PYY: variants seen among roughly 807,000 people sequenced by gnomAD.
PYY encodes peptide tyrosine tyrosine.
In PYY, 12 loss-of-function variants were observed where a neutral mutation model predicts 10.3. The observed-to-expected ratio is 1.17, with a 90% CI of 0.75 to 1.89. The LOEUF is 1.89. Ranked by LOEUF, PYY falls within the 40% of genes most tolerant of loss-of-function variation. The probability of loss-of-function intolerance (pLI) is 0.00; values close to 1 mark genes in which losing one functional copy is unlikely to be tolerated. For synonymous variants in PYY, 66 were observed against 62.0 expected (o/e 1.06, Z -0.30); for missense variants, 141 against 134.0 (o/e 1.05, Z -0.26).
At chr17:43,963,568 G>GGAAAAGAAAGAAAGAAA (rs1555617063) in intron 2 of PYY, among the ~76,000 whole-genome samples, 3 of 82,610 alleles carry the variant, frequency 3.6e-5, no homozygotes, top group Admixed American at 1.5e-4. Flanking sequence ...AAGGAAGGAA[G>GGAAAAGAAAGAAAGAAA]GAAAAGAAAG....
At chr17:43,994,226 G>A (rs1021910790) in intron 1 of PYY, among the ~76,000 whole-genome samples, 3 of 151,942 alleles carry the variant, frequency 2.0e-5, no homozygotes, top group Non-Finnish European at 4.4e-5. Context: ...TGTTCCCACT[G>A]CCAGGCCCCC....
At chr17:43,968,939 C>G (rs2048771563) in intron 1 of PYY, among the ~76,000 whole-genome samples, 1 of 151,468 alleles carries the variant, frequency 6.6e-6, no homozygotes, top group African/African-American at 2.4e-5. Context: ...GAAACCCTGT[C>G]TCTACTAAAA....
At position 43,983,378 on chromosome 17, in the gene PYY, T is replaced by C. The variant is rs2048895466; in HGVS notation, c.-462-16846A>G. ...GTGCTGGGTGGCCCTCCAGTGGCTC[T>C]CCTACCGCGGGCCCTACCTGATGGA... is the stretch of plus-strand genomic sequence containing the variant. On this transcript the variant is annotated intron_variant, in intron 1 of 6. Transcript: ENST00000360085. Among the ~76,000 whole-genome samples the C allele has an allele frequency of 2.0e-5, 3 of 152,206 alleles. No individual in the cohort carries two copies. In the South Asian group the frequency reaches 6.2e-4, roughly 31 times the overall value.
At chr17:43,992,596 A>T (rs2143957661) in intron 1 of PYY, among the ~76,000 whole-genome samples, 1 of 152,154 alleles carries the variant, frequency 6.6e-6, no homozygotes. Flanking sequence ...AATTCCAGCT[A>T]CTCGGGAGGC....
At chr17:43,962,233 G>A (rs1355954207) in intron 2 of PYY, among the ~76,000 whole-genome samples, 2 of 151,998 alleles carry the variant, frequency 1.3e-5, no homozygotes, top group Non-Finnish European at 2.9e-5. Context: ...AAGGAATGGG[G>A]GTACCCTCTC....
intron 1 of PYY, among the ~76,000 whole-genome samples, chr17:43,992,105 G>A (rs1248929838): frequency 8.2e-6 from 1 of 121,326 alleles, no homozygotes; most frequent in Non-Finnish European, 1.6e-5. Context: ...GGGCAACAGT[G>A]CAAGACTCTG....
chr17:43,955,395 C>G (rs1229621086), upstream of PYY, among the ~76,000 whole-genome samples: 1 of 152,178 alleles, frequency 6.6e-6, no homozygotes, highest in Non-Finnish European at 1.5e-5. Flanking sequence ...TTTTAGAGCT[C>G]TCCTGAGATG....
intron 1 of PYY, among the ~76,000 whole-genome samples, chr17:43,989,141 A>G (rs543537799): frequency 6.5e-4 from 98 of 151,924 alleles, no homozygotes; most frequent in Admixed American, 1.2e-3. Context: ...TCGGGAGGCC[A>G]AGGCGGGCGG....
At chr17:43,989,301 G>A (rs1366565055) in intron 1 of PYY, among the ~76,000 whole-genome samples, 2 of 152,030 alleles carry the variant, frequency 1.3e-5, no homozygotes, top group Non-Finnish European at 2.9e-5. Context: ...GTGAACCCAG[G>A]AGGCAGAGCT....
At chr17:43,971,488 T>C (rs1326931635) in intron 1 of PYY, among the ~76,000 whole-genome samples, 1 of 151,250 alleles carries the variant, frequency 6.6e-6, no homozygotes, top group Non-Finnish European at 1.5e-5. Flanking sequence ...GAGAATCACT[T>C]GAACCTGGGA....
At chr17:43,989,388 A>G in intron 1 of PYY, among the ~76,000 whole-genome samples, 1 of 151,810 alleles carries the variant, frequency 6.6e-6, no homozygotes, top group South Asian at 2.1e-4. Flanking sequence ...ACAAACAAAC[A>G]AACAAACAAA....
At chr17:43,994,427 C>G (rs895352976) in intron 1 of PYY, among the ~76,000 whole-genome samples, 3 of 152,146 alleles carry the variant, frequency 2.0e-5, no homozygotes, top group Non-Finnish European at 2.9e-5. Context: ...AACATTGCCA[C>G]TTTCTTGGTT....
chr17:43,999,955 A>G (rs780099104), intron 1 of PYY, among the ~76,000 whole-genome samples: 8 of 151,942 alleles, frequency 5.3e-5, no homozygotes, highest in Non-Finnish European at 1.0e-4. Flanking sequence ...CTGTCCATCT[A>G]CACTAACAGG....
At chr17:43,986,714 C>T (rs1047230894) in intron 1 of PYY, among the ~76,000 whole-genome samples, 2 of 152,224 alleles carry the variant, frequency 1.3e-5, no homozygotes, top group South Asian at 4.1e-4. Flanking sequence ...CCCAGGGCTG[C>T]TGTCTGCCTC....
chr17:44,001,440 TC>T (rs2049025980), intron 1 of PYY, among the ~76,000 whole-genome samples: 1 of 152,052 alleles, frequency 6.6e-6, no homozygotes, highest in South Asian at 2.1e-4. Context: ...TCAACAATGA[TC>T]CTGTAGGCCT....
chr17:43,960,317 T>C (rs962045238), intron 2 of PYY, among the ~76,000 whole-genome samples: 1 of 146,906 alleles, frequency 6.8e-6, no homozygotes, highest in East Asian at 2.1e-4. Flanking sequence ...CCAAGGCGGG[T>C]GGGTCACCTG....
chr17:43,956,530 G>A (rs956043303), upstream of PYY, among the ~76,000 whole-genome samples: 2 of 151,730 alleles, frequency 1.3e-5, no homozygotes, highest in African/African-American at 4.9e-5. Flanking sequence ...GTAGAAGTGA[G>A]ACCAGGACCT....
chr17:43,994,503 G>C (rs138159637), intron 1 of PYY, among the ~76,000 whole-genome samples: 114 of 152,264 alleles, frequency 7.5e-4, no homozygotes, highest in African/African-American at 2.7e-3. Flanking sequence ...TGAGAAGATG[G>C]AAGGATCCCC....
At chr17:44,002,429 C>T (rs1436363408) in intron 1 of PYY, among the ~76,000 whole-genome samples, 2 of 152,142 alleles carry the variant, frequency 1.3e-5, no homozygotes, top group Non-Finnish European at 2.9e-5. Context: ...TCTGGCCATG[C>T]CACTGACGAG....
Sources: gnomAD v4.1 joint callset for allele counts (sites outside exome capture counted in the v4.1 genomes callset) on GRCh38, gnomAD v4.1.1 for gene constraint, MANE v1.5 for transcripts, NCBI Gene and HGNC (gene_info 2026-07-23, HGNC 2026-07-21) for gene names.